The following TRPC6 variants were observed in gnomAD, a reference collection of about 807,000 sequenced individuals.
The protein encoded by TRPC6 is short transient receptor potential channel 6.
TRPC6 carries 55 observed loss-of-function variants against 90.7 expected under a neutral mutation model. The ratio of observed to expected loss-of-function variants is 0.61; its 90% CI spans 0.49 to 0.76. The LOEUF (loss-of-function observed/expected upper bound fraction) is 0.76. Among genes scored for constraint, TRPC6 ranks in the 30% least tolerant of loss-of-function variants. The pLI is 0.00. For synonymous variants in TRPC6, 393 were observed against 393.0 expected, an observed-to-expected ratio of 1.00 and a Z score of 0.00; for missense variants, 989 against 1,122.7, an observed-to-expected ratio of 0.88 and a Z score of 1.70.
intron 5 of TRPC6, among the ~76,000 whole-genome samples, chr11:101,479,021 A>C (rs760720640): frequency 2.6e-5 from 4 of 152,058 alleles, no homozygotes; most frequent in Non-Finnish European, 5.9e-5. Flanking sequence ...CTTTTTCACT[A>C]AATGGGGCCC....
chr11:101,561,632 C>T (rs537803136), intron 1 of TRPC6, among the ~76,000 whole-genome samples: 2 of 151,970 alleles, frequency 1.3e-5, no homozygotes, highest in Non-Finnish European at 2.9e-5. Context: ...CTGGGACTTT[C>T]AAAAGCCTTA....
intron 4 of TRPC6, among the ~76,000 whole-genome samples, chr11:101,486,411 A>AC (rs1859681579): frequency 1.3e-5 from 2 of 152,166 alleles, no homozygotes; most frequent in African/African-American, 4.8e-5. Flanking sequence ...ATTGAAATAA[A>AC]TACTTGTCTT....
At chr11:101,499,208 A>AT (rs1860027727) in intron 2 of TRPC6, among the ~76,000 whole-genome samples, 2 of 152,182 alleles carry the variant, frequency 1.3e-5, no homozygotes, top group Non-Finnish European at 2.9e-5. Context: ...TCCTTATATT[A>AT]TTCTTAATAT....
At chr11:101,532,428 A>T (rs1416999084) in intron 1 of TRPC6, among the ~76,000 whole-genome samples, 1 of 152,208 alleles carries the variant, frequency 6.6e-6, no homozygotes, top group Non-Finnish European at 1.5e-5. Flanking sequence ...GATAGATCTT[A>T]TTCTTTTCCT....
chr11:101,569,014 T>C (rs577351784), intron 1 of TRPC6, among the ~76,000 whole-genome samples: 119 of 152,250 alleles, frequency 7.8e-4, no homozygotes, highest in Admixed American at 1.4e-3. Flanking sequence ...ATAACAATAT[T>C]GACCTTAAAT....
chr11:101,547,412 T>C (rs926918860), intron 1 of TRPC6, among the ~76,000 whole-genome samples: 1 of 152,094 alleles, frequency 6.6e-6, no homozygotes, highest in Non-Finnish European at 1.5e-5. Flanking sequence ...AAAGCACAAA[T>C]AGGATGGATA....
intron 1 of TRPC6, among the ~76,000 whole-genome samples, chr11:101,516,608 A>C (rs1256225423): frequency 6.6e-6 from 1 of 152,244 alleles, no homozygotes; most frequent in Non-Finnish European, 1.5e-5. Flanking sequence ...TAAGGAAGGG[A>C]AATACTGCCA....
chr11:101,565,049 C>G (rs1861798882), intron 1 of TRPC6, among the ~76,000 whole-genome samples: 1 of 152,012 alleles, frequency 6.6e-6, no homozygotes, highest in Non-Finnish European at 1.5e-5. Flanking sequence ...CTTCTTACAC[C>G]ATACACAAAA....
chr11:101,561,042 C>A (rs1861700708), intron 1 of TRPC6, among the ~76,000 whole-genome samples: 2 of 152,098 alleles, frequency 1.3e-5, no homozygotes, highest in South Asian at 2.1e-4. Flanking sequence ...GATTTAAAAT[C>A]TTTCTAAAAT....
intron 1 of TRPC6, among the ~76,000 whole-genome samples, chr11:101,570,875 T>A (rs763618530): frequency 6.6e-6 from 1 of 152,152 alleles, no homozygotes; most frequent in African/African-American, 2.4e-5. Context: ...TATCTCAAAA[T>A]AATAAGAGCT....
At chr11:101,527,618 T>A (rs1860808047) in intron 1 of TRPC6, among the ~76,000 whole-genome samples, 1 of 152,176 alleles carries the variant, frequency 6.6e-6, no homozygotes, top group South Asian at 2.1e-4. Context: ...GAAGGCTTTA[T>A]AAAAACAATG....
At chr11:101,459,931 G>C (rs895372796) in intron 10 of TRPC6, among the ~76,000 whole-genome samples, 1 of 152,144 alleles carries the variant, frequency 6.6e-6, no homozygotes, top group Non-Finnish European at 1.5e-5. Context: ...ATATGCTTGT[G>C]TGATGGGTTG....
intron 1 of TRPC6, among the ~76,000 whole-genome samples, chr11:101,565,823 C>T (rs1413135167): frequency 6.6e-6 from 1 of 152,084 alleles, no homozygotes; most frequent in East Asian, 1.9e-4. Flanking sequence ...GATAAATACA[C>T]AGTAACTGTT....
intron 1 of TRPC6, among the ~76,000 whole-genome samples, chr11:101,505,229 C>T (rs2136744604): frequency 6.6e-6 from 1 of 152,258 alleles, no homozygotes; most frequent in South Asian, 2.1e-4. Context: ...TTTATTGAGT[C>T]CCTCTGATGC....
chr11:101,530,829 A>G (rs1426800600), intron 1 of TRPC6, among the ~76,000 whole-genome samples: 1 of 152,230 alleles, frequency 6.6e-6, no homozygotes, highest in African/African-American at 2.4e-5. Flanking sequence ...AAAATAAGAT[A>G]TTTAATAAAT....
chr11:101,540,066 GATTAAAAAGTT>G (rs71977829), intron 1 of TRPC6, among the ~76,000 whole-genome samples: 28,416 of 152,140 alleles, frequency 0.19, 2,760 homozygotes, highest in Admixed American at 0.23. Flanking sequence ...AGTTATATAA[GATTAAAAAGTT>G]ATTCAAAAGT....
At chr11:101,492,623 C>T (rs542837858) in intron 2 of TRPC6, among the ~76,000 whole-genome samples, 4 of 152,120 alleles carry the variant, frequency 2.6e-5, no homozygotes, top group South Asian at 4.2e-4. Context: ...CCTGTTGATT[C>T]GGAAGAAATA....
intron 10 of TRPC6, among the ~76,000 whole-genome samples, chr11:101,462,176 T>C (rs1390621423): frequency 6.8e-6 from 1 of 147,234 alleles, no homozygotes; most frequent in African/African-American, 2.7e-5. Context: ...GGTCTATGTA[T>C]CTGTTTTGGT....
In TRPC6 at chr11:101,453,603, G is replaced by A. The variant is rs542139391; in HGVS notation, c.2644+47C>T. ...TCCAGGCACTCTGCGCTAGGCCCCC[G>A]TCCTGACTCACATTCAGGGGCTGAT... On this transcript the variant is annotated intron_variant, in intron 12 of 12. Transcript: ENST00000344327. 2.7e-5 allele frequency: 42 copies of A among 1,566,966 alleles called. No individual in the cohort carries two copies. The East Asian group carries it at 7.4e-4, about 28-fold the overall frequency.
Sources: allele counts gnomAD v4.1 joint callset (sites outside exome capture counted in the v4.1 genomes callset), GRCh38; gene constraint gnomAD v4.1.1; transcripts MANE v1.5; gene names NCBI Gene and HGNC (gene_info 2026-07-23, HGNC 2026-07-21).